The following LHFPL3 variants were observed in gnomAD, a reference collection of about 807,000 sequenced individuals.
LHFPL3 encodes the protein LHFPL tetraspan subfamily member 3 protein.
A neutral mutation model predicts 19.3 loss-of-function variants in LHFPL3; 5 were observed. The observed-to-expected ratio is 0.26, with a 90% confidence interval of 0.14 to 0.54. The LOEUF (loss-of-function observed/expected upper bound fraction) is 0.54, where lower values mean the gene tolerates loss of function less well. Ranked by LOEUF, LHFPL3 falls within the 20% of genes least tolerant of loss-of-function variation. LHFPL3 has a pLI of 0.94. For missense variants in LHFPL3, 249 were observed against 307.4 expected, an observed-to-expected ratio of 0.81 and a Z score of 1.42; for synonymous variants, 133 against 126.2, an observed-to-expected ratio of 1.05 and a Z score of -0.36.
intron 1 of LHFPL3, among the ~76,000 whole-genome samples, chr7:104,521,037 G>A (rs1221826253): frequency 6.6e-6 from 1 of 151,992 alleles, no homozygotes; most frequent in Non-Finnish European, 1.5e-5. Context: ...TAATTGTGAT[G>A]TTAGGGTGTC....
At chr7:104,474,889 T>A (rs1349079670) in intron 1 of LHFPL3, among the ~76,000 whole-genome samples, 1 of 151,892 alleles carries the variant, frequency 6.6e-6, no homozygotes, top group African/African-American at 2.4e-5. Flanking sequence ...GATACAATCA[T>A]GAAAAAAATA....
chr7:104,602,798 T>C (rs1279245021), intron 1 of LHFPL3, among the ~76,000 whole-genome samples: 2 of 152,216 alleles, frequency 1.3e-5, no homozygotes, highest in Non-Finnish European at 2.9e-5. Flanking sequence ...AAGAGCATAG[T>C]ACTAGCATCT....
At chr7:104,511,347 C>G (rs1416684320) in intron 1 of LHFPL3, among the ~76,000 whole-genome samples, 1 of 152,182 alleles carries the variant, frequency 6.6e-6, no homozygotes, top group Non-Finnish European at 1.5e-5. Context: ...CTTAATCACT[C>G]ATACATACAT....
intron 2 of LHFPL3, among the ~76,000 whole-genome samples, chr7:104,789,708 C>G (rs1025334067): frequency 2.6e-5 from 4 of 152,032 alleles, no homozygotes; most frequent in African/African-American, 9.7e-5. Flanking sequence ...CATAATGTAG[C>G]CATCCATTCA....
At chr7:104,859,050 G>T (rs1791563519) in intron 2 of LHFPL3, among the ~76,000 whole-genome samples, 1 of 151,934 alleles carries the variant, frequency 6.6e-6, no homozygotes, top group South Asian at 2.1e-4. Context: ...ATCACCTGAG[G>T]TCAGGAGTTC....
Position 104,480,960 on chromosome 7 carries a change from C to A in LHFPL3, c.445+151736C>A, listed in dbSNP as rs185351925. 2.4e-3 allele frequency among the ~76,000 whole-genome samples: 359 copies of A among 152,312 alleles called. 2 individuals are homozygous for A. The highest frequency in any genetic ancestry group is 1.9e-3 in the Non-Finnish European group (132 of 68,028). ...ACCCAGGACTGGTCCTTTAGGGAAC[C>A]ACCTGTGGGGAGTAATGGGGTGAAG... On this transcript the variant is annotated intron_variant, in intron 1 of 2. Transcript: ENST00000424859.
At chr7:104,383,483 G>C (rs543786769) in intron 1 of LHFPL3, among the ~76,000 whole-genome samples, 322 of 152,318 alleles carry the variant, frequency 2.1e-3, no homozygotes, top group Non-Finnish European at 3.4e-3. Flanking sequence ...AAGATCTTCG[G>C]TTTAACAAGT....
chr7:104,567,179 T>G (rs118109644), intron 1 of LHFPL3, among the ~76,000 whole-genome samples: 1 of 152,242 alleles, frequency 6.6e-6, no homozygotes, highest in East Asian at 1.9e-4. Flanking sequence ...TTCCTAGTGA[T>G]TGAGAAATCA....
intron 1 of LHFPL3, among the ~76,000 whole-genome samples, chr7:104,347,520 C>G (rs1790094122): frequency 6.6e-6 from 1 of 152,100 alleles, no homozygotes; most frequent in Non-Finnish European, 1.5e-5. Flanking sequence ...AGCCTTTTTG[C>G]TAGAAGCTTC....
intron 1 of LHFPL3, among the ~76,000 whole-genome samples, chr7:104,488,638 T>C (rs1256419490): frequency 6.6e-6 from 1 of 152,136 alleles, no homozygotes; most frequent in Non-Finnish European, 1.5e-5. Flanking sequence ...GGTCAAGGGA[T>C]AAGAGTAAGT....
At chr7:104,418,435 G>C (rs1347176975) in intron 1 of LHFPL3, among the ~76,000 whole-genome samples, 1 of 152,068 alleles carries the variant, frequency 6.6e-6, no homozygotes, top group Non-Finnish European at 1.5e-5. Context: ...GGGAGGCTGA[G>C]GCAGGAGGAA....
chr7:104,388,251 C>T (rs74925263), intron 1 of LHFPL3, among the ~76,000 whole-genome samples: 9,549 of 152,224 alleles, frequency 0.063, 489 homozygotes, highest in East Asian at 0.22. Flanking sequence ...TGAGCATACA[C>T]ATGCATATGT....
At chr7:104,742,879 G>T (rs1793961269) in intron 2 of LHFPL3, among the ~76,000 whole-genome samples, 1 of 152,100 alleles carries the variant, frequency 6.6e-6, no homozygotes. Context: ...AAGGGGATGG[G>T]AGGCCGAGTC....
At chr7:104,385,956 T>C (rs1367126297) in intron 1 of LHFPL3, among the ~76,000 whole-genome samples, 1 of 151,732 alleles carries the variant, frequency 6.6e-6, no homozygotes, top group East Asian at 1.9e-4. Flanking sequence ...AAAAAAATCA[T>C]CAAAATCAAT....
At chr7:104,716,328 C>A (rs961451704) in intron 1 of LHFPL3, among the ~76,000 whole-genome samples, 1 of 150,866 alleles carries the variant, frequency 6.6e-6, no homozygotes, top group Admixed American at 6.6e-5. Context: ...GGTGACAGAG[C>A]GAGACTCCAT....
At chr7:104,577,635 A>T (rs778469866) in intron 1 of LHFPL3, among the ~76,000 whole-genome samples, 6 of 152,160 alleles carry the variant, frequency 3.9e-5, no homozygotes, top group African/African-American at 1.4e-4. Context: ...TGTTTCCCCT[A>T]GTGTCACTCT....
At chr7:104,749,866 C>G (rs796846332) in intron 2 of LHFPL3, among the ~76,000 whole-genome samples, 2 of 147,614 alleles carry the variant, frequency 1.4e-5, no homozygotes, top group Admixed American at 1.3e-4. Context: ...CTACAGTGGC[C>G]GCCCCTAAAA....
chr7:104,661,139 C>G (rs994364476), intron 1 of LHFPL3, among the ~76,000 whole-genome samples: 1 of 152,008 alleles, frequency 6.6e-6, no homozygotes, highest in South Asian at 2.1e-4. Context: ...ATCTCTGGAC[C>G]CAGAGCACAG....
chr7:104,884,107 A>T (rs1231374595), intron 2 of LHFPL3, among the ~76,000 whole-genome samples: 1 of 152,146 alleles, frequency 6.6e-6, no homozygotes, highest in African/African-American at 2.4e-5. Context: ...AATGAGCTGG[A>T]AAGCTCATTA....
Sources: gnomAD v4.1 joint callset for allele counts (sites outside exome capture counted in the v4.1 genomes callset) on GRCh38, gnomAD v4.1.1 for gene constraint, MANE v1.5 for transcripts, NCBI Gene and HGNC (gene_info 2026-07-23, HGNC 2026-07-21) for gene names.